The following PARP12 variants were observed in gnomAD, a reference collection of about 807,000 sequenced individuals.
PARP12 encodes poly(ADP-ribose) polymerase family member 12.
PARP12 carries 59 observed loss-of-function variants against 72.4 expected under a neutral mutation model. The ratio of observed to expected loss-of-function variants is 0.81; its 90% confidence interval spans 0.66 to 1.01. The LOEUF (loss-of-function observed/expected upper bound fraction) is 1.01. Ranked by LOEUF, PARP12 falls within the 50% of genes least tolerant of loss-of-function variation. The probability of loss-of-function intolerance (pLI) is 0.00; values close to 1 mark genes in which losing one functional copy is unlikely to be tolerated. For synonymous variants in PARP12, 403 were observed against 371.4 expected (o/e 1.09, Z -0.98); for missense variants, 851 against 914.0 (o/e 0.93, Z 0.89).
In PARP12 at chr7:140,062,706, G is replaced by T; in HGVS notation, c.142C>A (p.Arg48Ser). 7.5e-7 allele frequency: 1 copy of T among 1,327,832 alleles called. No homozygotes were observed. The highest frequency in any genetic ancestry group is 9.7e-7 in the Non-Finnish European group (1 of 1,033,774). 82.3% of individuals were successfully genotyped at this position (1,327,832 alleles called of 1,614,324 possible). A position where few individuals can be genotyped will look rare whatever the true frequency, so the allele number is the denominator to read the frequency against. Residue 48 changes from arginine (R) to serine (S), a missense_variant, in exon 1 of 12, where the codon CGC becomes AGC. Arg to Ser is a moderately radical substitution (Grantham distance 110). Coordinates refer to ENST00000263549, the MANE Select transcript of PARP12 (RefSeq NM_022750.4). ...ALERLLRQRGRFVVAVRAGGA... is the reference protein window; with the variant it reads ...ALERLLRQRGSFVVAVRAGGA... ...CCCGCCCGCACCGCCACCACGAAGC[G>T]CCCACGCTGCCGCAGCAGCCGCTCC... is the stretch of plus-strand genomic sequence containing the variant.
At chr7:140,027,431 G>T (rs767021123) in intron 9 of PARP12, 25 bp from the exon 10 acceptor site, 1 of 1,611,670 alleles carries the variant, frequency 6.2e-7, no homozygotes, top group Non-Finnish European at 8.5e-7. Flanking sequence ...TGTTTTTAAT[G>T]CATTACCATC....
intron 5 of PARP12, among the ~76,000 whole-genome samples, chr7:140,046,600 C>A (rs1816732141): frequency 6.6e-6 from 1 of 152,226 alleles, no homozygotes; most frequent in African/African-American, 2.4e-5. Context: ...CCATCTTCTC[C>A]TTTCCCCATT....
chr7:140,061,925 G>A (rs865848488), intron 1 of PARP12, among the ~76,000 whole-genome samples: 4 of 142,968 alleles, frequency 2.8e-5, no homozygotes, highest in African/African-American at 7.7e-5. Flanking sequence ...CCAAGAGCAA[G>A]AAGGGCATTC....
At chr7:140,036,083 A>G (rs1325371057) in intron 7 of PARP12, among the ~76,000 whole-genome samples, 1 of 147,702 alleles carries the variant, frequency 6.8e-6, no homozygotes, top group African/African-American at 2.6e-5. Flanking sequence ...GAAGGAGGAG[A>G]AGGAGAAGAA....
chr7:140,046,666 T>A (rs1816735494), intron 5 of PARP12, among the ~76,000 whole-genome samples: 2 of 151,960 alleles, frequency 1.3e-5, no homozygotes, highest in African/African-American at 4.8e-5. Context: ...ACTGCCAGTA[T>A]GAACGCTGAC....
intron 1 of PARP12, 52 bp downstream of exon 1, chr7:140,062,470 G>T (rs1817498686): frequency 2.0e-6 from 3 of 1,486,644 alleles, no homozygotes; most frequent in Non-Finnish European, 2.7e-6. Flanking sequence ...CTGGAAGTGC[G>T]TGAGGGCGCG....
In PARP12 at chr7:140,062,713, C is replaced by A. The variant is rs1226541330; in HGVS notation, c.135G>T (p.Gln45His). 3 of 1,342,886 alleles carry A rather than the reference C, an allele frequency of 2.2e-6. No individual in the cohort carries two copies. The highest frequency in any genetic ancestry group is 3.1e-5 in the African/African-American group (2 of 65,206). The allele number at this position is 1,342,886 out of a possible 1,614,324, so 83.2% of individuals were successfully genotyped here. The change falls in exon 1 of 12, where the codon CAG (glutamine) becomes CAT (histidine). Residue 45 changes from glutamine (Q) to histidine (H), a missense_variant. Gln to His is a conservative substitution (Grantham distance 24). Around this residue, in one of 3 missense-constraint regions of PARP12, gnomAD observed 492 missense variants for 489.3 expected, o/e 1.01. Coordinates refer to ENST00000263549, the MANE Select transcript of PARP12 (RefSeq NM_022750.4). ...SADALERLLR[Q>H]RGRFVVAVRA... is the part of the protein sequence containing the mutation. ...GCACCGCCACCACGAAGCGCCCACG[C>A]TGCCGCAGCAGCCGCTCCAGCGCGT...
In PARP12 at chr7:140,024,556, G is replaced by T. The variant is rs376732475; in HGVS notation, c.*4C>A. ...GGTGAAAGGCCTGGAACACTCCTGT[G>T]CGCTCACTGTCGGCTGCTGAACAGG... On this transcript the variant is annotated 3_prime_UTR_variant, in exon 12 of 12. Coordinates refer to ENST00000263549, the MANE Select transcript of PARP12 (RefSeq NM_022750.4). The T allele has an allele frequency of 1.9e-3, 3,012 of 1,613,978 alleles. 1 individual carries two copies. Among genetic ancestry groups the T allele is most frequent in the Non-Finnish European group, 2.4e-3 (2,852 of 1,179,994 alleles).
In PARP12 at chr7:140,062,542, G is replaced by C. The variant is rs991380683; in HGVS notation, c.306C>G (p.Ala102=). Residue 102 remains alanine, a synonymous_variant, in exon 1 of 12, where the codon GCC becomes GCG. Transcript: ENST00000263549. The part of the protein sequence containing the change: ...LHLCRFMVYG[A]CKFLRAGKNC... ...CTTACCCGGCTCTCAGGAACTTGCA[G>C]GCGCCGTAGACCATGAACCTGCAGA... 6 of 1,555,368 alleles carry C rather than the reference G, an allele frequency of 3.9e-6. No homozygotes were observed. In the African/African-American group the frequency reaches 5.5e-5, roughly 14 times the overall value.
At chr7:140,028,000 A>G (rs959104623) in intron 9 of PARP12, among the ~76,000 whole-genome samples, 11 of 152,216 alleles carry the variant, frequency 7.2e-5, no homozygotes, top group East Asian at 1.9e-4. Context: ...TACAAGCTCA[A>G]TAAGTCCTCC....
At chr7:140,051,574 A>G (rs577421815) in intron 4 of PARP12, among the ~76,000 whole-genome samples, 1 of 152,216 alleles carries the variant, frequency 6.6e-6, no homozygotes, top group South Asian at 2.1e-4. Flanking sequence ...TATTTTTAGT[A>G]GAGACAGGGT....
At chr7:140,062,312 G>A (rs567673163) in intron 1 of PARP12, among the ~76,000 whole-genome samples, 4 of 151,870 alleles carry the variant, frequency 2.6e-5, no homozygotes, top group African/African-American at 9.6e-5. Flanking sequence ...CAGGCGTCTA[G>A]AGGACCCCAC....
chr7:140,062,458 G>C (rs1001324171), intron 1 of PARP12, 64 bp downstream of exon 1: 1 of 1,450,122 alleles, frequency 6.9e-7, no homozygotes, highest in Non-Finnish European at 9.2e-7. Context: ...CCCCCAAGCG[G>C]GCTGGAAGTG....
rs775781648 is a variant in PARP12 at position 140,037,842 on chromosome 7, AG to A, written c.1196del (p.Pro399LeufsTer2). 6.2e-7 allele frequency: 1 copy of A among 1,611,160 alleles called. No homozygotes were observed. Among genetic ancestry groups the A allele is most frequent in the Non-Finnish European group, 8.5e-7 (1 of 1,177,506 alleles). ...CGTCGCTACTGCTGACAGTGGTCAC[AG>A]GGTGCACCGTGCCCTGCGATGGAAA... ...QEYGRQGTVH[P>X]VTTVSSSDVE... On this transcript the variant is annotated frameshift_variant, in exon 7 of 12. Transcript: ENST00000263549. LOFTEE classifies it high-confidence loss of function.
At position 140,057,912 on chromosome 7, in the gene PARP12, C is replaced by T; in HGVS notation, c.449G>A (p.Trp150Ter). Residue 150 changes from tryptophan (W) to a stop codon, truncating the protein, a stop_gained, in exon 2 of 12, where the codon TGG becomes TAG. Transcript: ENST00000263549. LOFTEE classifies it high-confidence loss of function. ...LCQLLFQNDPWLLPEICQHYN... is the reference protein window; with the variant it reads ...LCQLLFQNDP ...CCTGGCACTCACTTCTGGCAAAAGC[C>T]AGGGGTCGTTCTGAAACAAGAGTTG... The T allele has an allele frequency of 6.2e-7, 1 of 1,614,162 alleles. No individual in the cohort carries two copies. The highest frequency in any genetic ancestry group is 1.1e-5 in the South Asian group (1 of 91,080).
intron 8 of PARP12, chr7:140,033,134 C>G (rs1249261530): frequency 1.0e-6 from 1 of 962,824 alleles, no homozygotes; most frequent in African/African-American, 1.8e-5. Context: ...CTCAAGCAAT[C>G]TACCCGCCTC....
intron 7 of PARP12, among the ~76,000 whole-genome samples, chr7:140,036,464 T>C (rs1816201011): frequency 6.6e-6 from 1 of 152,096 alleles, no homozygotes; most frequent in Admixed American, 6.5e-5. Context: ...GTTCGCACTC[T>C]AGAGGAGAAA....
At chr7:140,051,113 G>A (rs1816940255) in intron 4 of PARP12, among the ~76,000 whole-genome samples, 1 of 152,248 alleles carries the variant, frequency 6.6e-6, no homozygotes, top group Non-Finnish European at 1.5e-5. Flanking sequence ...TGTTGAAAAT[G>A]TTTTCATATT....
Position 140,040,905 on chromosome 7 carries a change from C to A in PARP12, c.1182+739G>T, listed in dbSNP as rs1481277115. 2.6e-5 allele frequency among the ~76,000 whole-genome samples: 4 copies of A among 152,232 alleles called. No homozygotes were observed. The East Asian group carries it at 7.7e-4, about 29-fold the overall frequency. ...ACCTCAGTCTCCCGAGTAGCTGGGA[C>A]CACAGGCATACGCCACCACACCTGG... On this transcript the variant is annotated intron_variant, in intron 6 of 11. Transcript: ENST00000263549.
Sources: allele counts gnomAD v4.1 joint callset (sites outside exome capture counted in the v4.1 genomes callset), GRCh38; gene constraint gnomAD v4.1.1; regional missense constraint gnomAD v4.1.1; transcripts MANE v1.5; gene names NCBI Gene and HGNC (gene_info 2026-07-23, HGNC 2026-07-21).